Variants in ARHGAP32 observed in about 807,000 individuals in gnomAD.
The protein encoded by ARHGAP32 is rho GTPase-activating protein 32.
In ARHGAP32, 51 loss-of-function variants were observed where a neutral mutation model predicts 186.5. The observed-to-expected ratio is 0.27, with a 90% CI of 0.22 to 0.35. ARHGAP32 has a LOEUF of 0.35. Among genes scored for constraint, ARHGAP32 ranks in the 10% least tolerant of loss-of-function variants. ARHGAP32 has a pLI of 1.00. For missense variants in ARHGAP32, 2,186 were observed against 2,623.5 expected (o/e 0.83, Z 3.64); for synonymous variants, 950 against 964.3 (o/e 0.99, Z 0.27).
At chr11:129,020,415 T>G (rs2134887806) in intron 11 of ARHGAP32, among the ~76,000 whole-genome samples, 1 of 152,234 alleles carries the variant, frequency 6.6e-6, no homozygotes, top group South Asian at 2.1e-4. Flanking sequence ...GTACTACCTT[T>G]AATTGCTAAG....
chr11:128,979,653 T>A (rs138483254), intron 18 of ARHGAP32, among the ~76,000 whole-genome samples: 24 of 152,298 alleles, frequency 1.6e-4, no homozygotes, highest in African/African-American at 5.8e-4. Flanking sequence ...ATGTTCCAAC[T>A]TTTTGCTGAT....
At chr11:129,203,320 G>A (rs995176387) in intron 1 of ARHGAP32, among the ~76,000 whole-genome samples, 7 of 152,044 alleles carry the variant, frequency 4.6e-5, no homozygotes, top group Non-Finnish European at 1.0e-4. Flanking sequence ...AAAATCTGAG[G>A]CAAGTGATAA....
chr11:129,255,958 A>G (rs192488603), intron 1 of ARHGAP32, among the ~76,000 whole-genome samples: 2 of 152,252 alleles, frequency 1.3e-5, no homozygotes, highest in Admixed American at 1.3e-4. Flanking sequence ...ATGCCCACCA[A>G]CAGTAGATAA....
At position 129,256,774 on chromosome 11, in the gene ARHGAP32, A is replaced by G. The variant is rs116784702; in HGVS notation, c.-5+22372T>C. On this transcript the variant is annotated intron_variant, in intron 1 of 6. Coordinates refer to the ARHGAP32 transcript ENST00000525234. ...ATAATGTTTAGATGCATGTAAAAAG[A>G]AGTCCAAACTATAGTGGCTTAAGAT... Among the ~76,000 whole-genome samples the G allele has an allele frequency of 7.7e-3, 1,180 of 152,320 alleles. 15 individuals carry two copies. The highest frequency in any genetic ancestry group is 0.026 in the African/African-American group (1,100 of 41,584).
chr11:129,058,805 A>T lies in ARHGAP32; in HGVS notation c.963+3475T>A, dbSNP rs145426688. On this transcript the variant is annotated intron_variant, in intron 10 of 22. Coordinates refer to ENST00000682385, the MANE Select transcript of ARHGAP32 (RefSeq NM_001378024.1). ...ATTTCAGTTAAACTTGAAAATCAGG[A>T]TGTGGAAAGATGTCTGATGTACAGT... Among the ~76,000 whole-genome samples, 525 of 152,368 alleles carry T rather than the reference A, an allele frequency of 3.4e-3. 4 individuals carry two copies. The highest frequency in any genetic ancestry group is 0.012 in the African/African-American group (499 of 41,578).
At chr11:129,064,151 T>A (rs1356433163) in intron 8 of ARHGAP32, 127 bp from the exon 9 acceptor site, 2 of 521,066 alleles carry the variant, frequency 3.8e-6, no homozygotes, top group Non-Finnish European at 6.4e-6. Context: ...AAAAAAAAAC[T>A]ACCATTTACT....
intron 1 of ARHGAP32, among the ~76,000 whole-genome samples, chr11:129,257,327 T>G (rs1475762303): frequency 6.6e-6 from 1 of 152,172 alleles, no homozygotes; most frequent in Non-Finnish European, 1.5e-5. Flanking sequence ...GAACTATTTT[T>G]CTAAAGCATC....
intron 10 of ARHGAP32, among the ~76,000 whole-genome samples, chr11:129,055,381 T>C (rs1940210055): frequency 6.6e-6 from 1 of 152,218 alleles, no homozygotes; most frequent in African/African-American, 2.4e-5. Flanking sequence ...TTGTGGCTTC[T>C]CACCAAATTC....
At chr11:129,182,125 G>C (rs1944068841) in intron 1 of ARHGAP32, among the ~76,000 whole-genome samples, 1 of 151,994 alleles carries the variant, frequency 6.6e-6, no homozygotes, top group African/African-American at 2.4e-5. Context: ...ACTATATAAT[G>C]TTCCCCTGTG....
intron 6 of ARHGAP32, among the ~76,000 whole-genome samples, chr11:129,088,693 T>C (rs1314214913): frequency 6.6e-6 from 1 of 152,110 alleles, no homozygotes; most frequent in African/African-American, 2.4e-5. Context: ...TAAATCAAAA[T>C]CTCTTCCTTA....
chr11:129,265,846 C>A (rs1945391343), intron 1 of ARHGAP32, among the ~76,000 whole-genome samples: 1 of 152,148 alleles, frequency 6.6e-6, no homozygotes, highest in African/African-American at 2.4e-5. Context: ...CCATTTCACA[C>A]ATTTCACACA....
intron 2 of ARHGAP32, among the ~76,000 whole-genome samples, chr11:129,131,175 G>GA (rs1230863666): frequency 1.3e-5 from 2 of 151,762 alleles, no homozygotes; most frequent in Admixed American, 6.6e-5. Flanking sequence ...TGAGAAATAC[G>GA]AAAAAACCTT....
At chr11:129,275,476 G>C (rs566296471) in intron 1 of ARHGAP32, among the ~76,000 whole-genome samples, 3 of 152,168 alleles carry the variant, frequency 2.0e-5, no homozygotes, top group African/African-American at 7.2e-5. Flanking sequence ...AGTCTATCTG[G>C]CTCCAAAACA....
intron 10 of ARHGAP32, among the ~76,000 whole-genome samples, chr11:129,057,913 C>T (rs537719287): frequency 3.3e-5 from 5 of 151,938 alleles, no homozygotes; most frequent in East Asian, 1.9e-4. Flanking sequence ...TGTAAGGACA[C>T]GCAAGAAAGT....
intron 1 of ARHGAP32, among the ~76,000 whole-genome samples, chr11:129,198,157 A>C (rs1944417192): frequency 1.3e-5 from 2 of 152,240 alleles, no homozygotes; most frequent in South Asian, 4.1e-4. Context: ...CATAGAAGCT[A>C]AATGATATTT....
chr11:129,203,657 A>C (rs1423898028), intron 1 of ARHGAP32, among the ~76,000 whole-genome samples: 1 of 147,830 alleles, frequency 6.8e-6, no homozygotes, highest in Admixed American at 7.0e-5. Flanking sequence ...TGAGAGGCTG[A>C]GGCAGGAGGA....
chr11:129,208,865 G>C (rs958711792), intron 1 of ARHGAP32, among the ~76,000 whole-genome samples: 1 of 152,012 alleles, frequency 6.6e-6, no homozygotes, highest in Non-Finnish European at 1.5e-5. Context: ...ATCTAAAATA[G>C]AAACTTTAGA....
rs188896128 is a variant in ARHGAP32 at position 129,162,591 on chromosome 11, C to A, written c.225+1728G>T. Among the ~76,000 whole-genome samples, 28 of 152,168 alleles carry A rather than the reference C, an allele frequency of 1.8e-4. No homozygotes were observed. The East Asian group carries it at 5.0e-3, about 27-fold the overall frequency. On this transcript the variant is annotated intron_variant, in intron 2 of 22. Coordinates refer to ENST00000682385, the MANE Select transcript of ARHGAP32 (RefSeq NM_001378024.1). ...TCAGTAAAACCTGAAGTGGAATCTACTAAGATACATTATAACCAATTTTGG... is the reference window on the plus strand; with the variant it reads ...TCAGTAAAACCTGAAGTGGAATCTAATAAGATACATTATAACCAATTTTGG...
At chr11:129,126,196 C>T (rs1942656298) in intron 2 of ARHGAP32, 2 of 213,626 alleles carry the variant, frequency 9.4e-6, no homozygotes, top group Middle Eastern at 3.9e-3. Context: ...CTTAAAGAGC[C>T]AGGCGGTAAA....
Sources: allele counts gnomAD v4.1 joint callset (sites outside exome capture counted in the v4.1 genomes callset), GRCh38; gene constraint gnomAD v4.1.1; transcripts MANE v1.5; gene names NCBI Gene and HGNC (gene_info 2026-07-23, HGNC 2026-07-21).